GSK3B: variants seen among roughly 807,000 people sequenced by gnomAD.
GSK3B encodes the protein glycogen synthase kinase-3 beta.
In GSK3B, 15 loss-of-function variants were observed where a neutral mutation model predicts 56.4. The observed-to-expected ratio is 0.27, with a 90% CI of 0.18 to 0.41. The LOEUF (loss-of-function observed/expected upper bound fraction) is 0.41, where lower values mean the gene tolerates loss of function less well. Among genes scored for constraint, GSK3B ranks in the 10% least tolerant of loss-of-function variants. The pLI, the probability that GSK3B is intolerant of heterozygous loss-of-function variation, is 1.00. For synonymous variants in GSK3B, 181 were observed against 188.9 expected (o/e 0.96, Z 0.34); for missense variants, 300 against 513.4 (o/e 0.58, Z 4.02).
At chr3:119,984,758 G>A (rs1436824830) in intron 2 of GSK3B, among the ~76,000 whole-genome samples, 1 of 151,934 alleles carries the variant, frequency 6.6e-6, no homozygotes, top group Non-Finnish European at 1.5e-5. Context: ...AGGACCAGAG[G>A]TACAAAGAGG....
In GSK3B at chr3:119,823,692, T is replaced by C. The variant is rs924189952; in HGVS notation, c.*3096A>G. 5.4e-6 allele frequency: 1 copy of C among 183,892 alleles called. No individual in the cohort carries two copies. 11.4% of individuals were successfully genotyped at this position (183,892 alleles called of 1,614,324 possible). A position where few individuals can be genotyped will look rare whatever the true frequency, so the allele number is the denominator to read the frequency against. On this transcript the variant is annotated 3_prime_UTR_variant, in exon 11 of 11. Transcript: ENST00000264235. ...AAGTATGAAATGAAACCGGTCTCAC[T>C]GCTACCGAGGAGGAAAGACATTCAG...
At chr3:119,968,117 A>G (rs2057336357) in intron 2 of GSK3B, among the ~76,000 whole-genome samples, 1 of 152,120 alleles carries the variant, frequency 6.6e-6, no homozygotes, top group African/African-American at 2.4e-5. Context: ...GGCCTCCCAA[A>G]GTGCTGGATT....
intron 1 of GSK3B, among the ~76,000 whole-genome samples, chr3:120,069,272 T>G (rs914456574): frequency 6.6e-6 from 1 of 151,912 alleles, no homozygotes; most frequent in African/African-American, 2.4e-5. Flanking sequence ...TATTTCAAAG[T>G]AGGAAATAAA....
chr3:119,873,022 C>T (rs982115830), intron 8 of GSK3B, among the ~76,000 whole-genome samples: 1 of 152,126 alleles, frequency 6.6e-6, no homozygotes, highest in East Asian at 1.9e-4. Flanking sequence ...CAGTGTACAG[C>T]GTACACCAAG....
rs201029919 is a variant in GSK3B, at chr3:120,093,450, G to C, written c.-16C>G. 9.6e-6 allele frequency: 15 copies of C among 1,564,134 alleles called. No homozygotes were observed. The highest frequency in any genetic ancestry group is 3.3e-4 in the Middle Eastern group (2 of 5,978). ...GCCCTGACATGATCACTCTCTTCGC[G>C]AATCACCTTTTCCTTCCTTCCTCCT... On this transcript the variant is annotated 5_prime_UTR_variant, in exon 1 of 11. Coordinates refer to ENST00000264235, the MANE Select transcript of GSK3B (RefSeq NM_001146156.2).
chr3:119,892,999 A>T (rs952263141), intron 7 of GSK3B, among the ~76,000 whole-genome samples: 2 of 151,954 alleles, frequency 1.3e-5, no homozygotes, highest in African/African-American at 4.8e-5. Context: ...TTTTCCTACA[A>T]TTTACAGATT....
chr3:120,069,127 T>C (rs2058305548), intron 1 of GSK3B, among the ~76,000 whole-genome samples: 1 of 152,184 alleles, frequency 6.6e-6, no homozygotes, highest in South Asian at 2.1e-4. Context: ...TGAGGGGCTG[T>C]CTGCTGCTCC....
chr3:120,050,970 G>C (rs2058143796), intron 1 of GSK3B, among the ~76,000 whole-genome samples: 1 of 152,116 alleles, frequency 6.6e-6, no homozygotes. Flanking sequence ...CAAGACTGAG[G>C]AAACAATCTG....
rs541918115 is a variant in GSK3B at position 119,923,478 on chromosome 3, A to C, written c.372T>G (p.Asp124Glu). 2 of 1,519,190 alleles carry C rather than the reference A, an allele frequency of 1.3e-6. No homozygotes were observed. The highest frequency in any genetic ancestry group is 1.4e-5 in the African/African-American group (1 of 72,760). The allele number at this position is 1,519,190 out of a possible 1,614,324, so 94.1% of individuals were successfully genotyped here. Reference protein sequence around the residue: ...YFFYSSGEKKDEVYLNLVLDY... With the variant: ...YFFYSSGEKKEEVYLNLVLDY... The stretch of plus-strand genomic sequence containing the variant: ...CCAGCACCAGATTAAGATAGACCTC[A>C]TCTTTCTGAAAGAGTTTATTTAAAA... Residue 124 changes from aspartate (D) to glutamate (E), a missense_variant, in exon 4 of 11, where the codon GAT (aspartate) becomes GAG (glutamate). Physicochemically the swap from Asp to Glu is conservative, Grantham distance 45. Transcript: ENST00000264235.
At chr3:119,892,489 G>A (rs1283030749) in intron 7 of GSK3B, among the ~76,000 whole-genome samples, 1 of 152,180 alleles carries the variant, frequency 6.6e-6, no homozygotes, top group Non-Finnish European at 1.5e-5. Flanking sequence ...ACTACTCTGA[G>A]TGAAATGCTT....
chr3:120,001,508 A>C (rs192204341), intron 2 of GSK3B, among the ~76,000 whole-genome samples: 61 of 152,346 alleles, frequency 4.0e-4, no homozygotes, highest in African/African-American at 1.3e-3. Flanking sequence ...AATTACTAGA[A>C]GCAGATGTCT....
intron 7 of GSK3B, among the ~76,000 whole-genome samples, chr3:119,886,033 A>G (rs1461197352): frequency 6.6e-6 from 1 of 152,066 alleles, no homozygotes; most frequent in African/African-American, 2.4e-5. Flanking sequence ...TGCAATAAAA[A>G]TAAAAATTGG....
chr3:119,949,972 G>C (rs902388025), intron 2 of GSK3B, among the ~76,000 whole-genome samples: 1 of 151,618 alleles, frequency 6.6e-6, no homozygotes, highest in East Asian at 1.9e-4. Context: ...AGCTAAGGCT[G>C]GAAAAATGCA....
At position 119,876,393 on chromosome 3, in the gene GSK3B, T is replaced by TA. The variant is rs72548704; in HGVS notation, c.909+19dup. 1,012 of 1,333,050 alleles carry TA rather than the reference T, an allele frequency of 7.6e-4. No homozygotes were observed. Among genetic ancestry groups the TA allele is most frequent in the African/African-American group, 4.9e-3 (342 of 69,130 alleles). 82.6% of individuals were successfully genotyped at this position (1,333,050 alleles called of 1,614,324 possible). ...TTAGTTAACTACTGATTAATATACT[T>TA]AAAAAAAAATCTAACTCACCTTAGT... On this transcript the variant is annotated intron_variant, in intron 8 of 10. Coordinates refer to ENST00000264235, the MANE Select transcript of GSK3B (RefSeq NM_001146156.2).
intron 3 of GSK3B, among the ~76,000 whole-genome samples, chr3:119,937,034 A>G (rs551987093): frequency 6.6e-6 from 1 of 152,236 alleles, no homozygotes; most frequent in South Asian, 2.1e-4. Flanking sequence ...ATCATATGAA[A>G]TATCTTTTCT....
intron 7 of GSK3B, among the ~76,000 whole-genome samples, chr3:119,904,893 T>G (rs921762513): frequency 3.3e-5 from 5 of 151,926 alleles, no homozygotes; most frequent in African/African-American, 1.2e-4. Context: ...ACAGTAGGTG[T>G]TGTTGCTTTG....
At chr3:119,972,238 CAAA>C (rs1305080224) in intron 2 of GSK3B, among the ~76,000 whole-genome samples, 2 of 151,958 alleles carry the variant, frequency 1.3e-5, no homozygotes, top group Non-Finnish European at 2.9e-5. Context: ...CAATGAGATT[CAAA>C]TAAGGTATAA....
At chr3:119,982,877 AG>A (rs1209141358) in intron 2 of GSK3B, among the ~76,000 whole-genome samples, 1 of 152,208 alleles carries the variant, frequency 6.6e-6, no homozygotes, top group East Asian at 1.9e-4. Flanking sequence ...ATACTCCAAG[AG>A]AAGAGCAACC....
At chr3:119,877,570 C>T (rs1029286176) in intron 7 of GSK3B, among the ~76,000 whole-genome samples, 3 of 152,014 alleles carry the variant, frequency 2.0e-5, no homozygotes, top group African/African-American at 7.2e-5. Flanking sequence ...ATTGTATTAT[C>T]GATATATCAG....
Sources: gnomAD v4.1 joint callset for allele counts (sites outside exome capture counted in the v4.1 genomes callset) on GRCh38, gnomAD v4.1.1 for gene constraint, MANE v1.5 for transcripts, NCBI Gene and HGNC (gene_info 2026-07-23, HGNC 2026-07-21) for gene names.